Variants in TMEM132C observed in about 807,000 individuals in gnomAD.
The protein encoded by TMEM132C is transmembrane protein 132C.
TMEM132C carries 29 observed loss-of-function variants against 61.4 expected under a neutral mutation model. The ratio of observed to expected loss-of-function variants is 0.47; its 90% CI spans 0.35 to 0.64. TMEM132C has a LOEUF of 0.64. TMEM132C is among the 30% of genes least tolerant of loss of function. The pLI is 0.00. For synonymous variants in TMEM132C, 656 were observed against 633.1 expected (o/e 1.04, Z -0.54); for missense variants, 1,408 against 1,476.9 (o/e 0.95, Z 0.76).
At chr12:128,316,438 C>T (rs143440085) in intron 1 of TMEM132C, among the ~76,000 whole-genome samples, 30 of 152,274 alleles carry the variant, frequency 2.0e-4, no homozygotes, top group African/African-American at 7.0e-4. Context: ...GGAGACAGGA[C>T]GTTTCCATTC....
intron 2 of TMEM132C, among the ~76,000 whole-genome samples, chr12:128,490,647 G>T (rs1871684515): frequency 6.6e-6 from 1 of 152,206 alleles, no homozygotes; most frequent in Non-Finnish European, 1.5e-5. Flanking sequence ...ACTGATCAAT[G>T]CTCAATAACA....
chr12:128,456,292 T>G (rs983925602), intron 2 of TMEM132C, among the ~76,000 whole-genome samples: 7 of 151,388 alleles, frequency 4.6e-5, no homozygotes, highest in Non-Finnish European at 8.8e-5. Context: ...TCTTGTTTCA[T>G]ATTTTTCCTT....
At chr12:128,594,316 G>T (rs1378531624) in intron 3 of TMEM132C, among the ~76,000 whole-genome samples, 1 of 152,078 alleles carries the variant, frequency 6.6e-6, no homozygotes, top group East Asian at 1.9e-4. Flanking sequence ...GCTATGGGCT[G>T]CATATTCACC....
At chr12:128,517,628 A>G (rs1199896644) in intron 2 of TMEM132C, among the ~76,000 whole-genome samples, 2 of 152,228 alleles carry the variant, frequency 1.3e-5, no homozygotes, top group African/African-American at 4.8e-5. Context: ...TGGTAGGTCT[A>G]TGGGTGTTCA....
At chr12:128,612,520 T>G (rs1876670234) in intron 3 of TMEM132C, among the ~76,000 whole-genome samples, 1 of 152,194 alleles carries the variant, frequency 6.6e-6, no homozygotes, top group African/African-American at 2.4e-5. Context: ...CTTCTATCTG[T>G]GGTTGAAGAG....
chr12:128,521,479 G>A (rs901356145), intron 2 of TMEM132C, among the ~76,000 whole-genome samples: 38 of 61,364 alleles, frequency 6.2e-4, no homozygotes, highest in African/African-American at 1.8e-3. Context: ...AACAGGCCCC[G>A]GTGGGAACAC....
intron 2 of TMEM132C, among the ~76,000 whole-genome samples, chr12:128,489,226 G>A (rs1262809038): frequency 1.3e-5 from 2 of 152,028 alleles, no homozygotes; most frequent in African/African-American, 2.4e-5. Context: ...AGGGTGGAAG[G>A]GCAGGTATTC....
At chr12:128,581,748 G>C (rs1381855395) in intron 3 of TMEM132C, among the ~76,000 whole-genome samples, 1 of 152,214 alleles carries the variant, frequency 6.6e-6, no homozygotes, top group African/African-American at 2.4e-5. Flanking sequence ...GCAGTGCCAA[G>C]TCATAAAGGA....
At chr12:128,308,609 G>T (rs1479406477) in intron 1 of TMEM132C, among the ~76,000 whole-genome samples, 1 of 152,140 alleles carries the variant, frequency 6.6e-6, no homozygotes, top group Non-Finnish European at 1.5e-5. Context: ...CTCTGTTCAG[G>T]AGCAATTCCT....
intron 1 of TMEM132C, among the ~76,000 whole-genome samples, chr12:128,339,671 C>A (rs1291927205): frequency 1.1e-4 from 16 of 144,168 alleles, no homozygotes; most frequent in African/African-American, 4.0e-4. Flanking sequence ...TCCCAAACAC[C>A]AGTACTAAAA....
intron 4 of TMEM132C, among the ~76,000 whole-genome samples, chr12:128,622,245 G>A (rs1310722112): frequency 3.6e-4 from 54 of 149,652 alleles, no homozygotes; most frequent in Non-Finnish European, 3.6e-4. Flanking sequence ...TCGGGAGGCT[G>A]AGGCAGGAGA....
chr12:128,675,167 A>G (rs1954571309), intron 5 of TMEM132C, among the ~76,000 whole-genome samples: 1 of 151,980 alleles, frequency 6.6e-6, no homozygotes, highest in Non-Finnish European at 1.5e-5. Flanking sequence ...TTAACCAACT[A>G]CCACATTTAA....
chr12:128,639,420 A>AATG (rs368952869), intron 4 of TMEM132C, among the ~76,000 whole-genome samples: 18,329 of 151,990 alleles, frequency 0.12, 1,447 homozygotes, highest in African/African-American at 0.23. Flanking sequence ...TGATGATAAT[A>AATG]ATGATGGCAA....
intron 2 of TMEM132C, among the ~76,000 whole-genome samples, chr12:128,416,948 A>G (rs1005892865): frequency 6.6e-6 from 1 of 152,164 alleles, no homozygotes. Flanking sequence ...TGCATTGTGA[A>G]CCTTGGTGGT....
chr12:128,636,193 G>A (rs1346845566), intron 4 of TMEM132C, among the ~76,000 whole-genome samples: 5 of 151,682 alleles, frequency 3.3e-5, no homozygotes, highest in African/African-American at 4.8e-5. Flanking sequence ...TGGAACCACA[G>A]GCATGCATCA....
chr12:128,558,895 G>A (rs1199741059), intron 3 of TMEM132C, among the ~76,000 whole-genome samples: 1 of 152,198 alleles, frequency 6.6e-6, no homozygotes, highest in Non-Finnish European at 1.5e-5. Flanking sequence ...ATTCCCCCTT[G>A]TTCCTACTTT....
chr12:128,592,059 GA>G (rs55727528), intron 3 of TMEM132C, among the ~76,000 whole-genome samples: 4,762 of 125,374 alleles, frequency 0.038, 260 homozygotes, highest in African/African-American at 0.13. Context: ...AAAAAAAAAA[GA>G]AAAAAAAAAA....
intron 4 of TMEM132C, among the ~76,000 whole-genome samples, chr12:128,628,668 C>T (rs1473589735): frequency 3.9e-5 from 6 of 152,176 alleles, no homozygotes; most frequent in Admixed American, 6.5e-5. Flanking sequence ...ACAGTAGGCA[C>T]GTAACAAGGA....
intron 3 of TMEM132C, among the ~76,000 whole-genome samples, chr12:128,562,918 C>A (rs1423024723): frequency 6.6e-6 from 1 of 152,196 alleles, no homozygotes; most frequent in Non-Finnish European, 1.5e-5. Context: ...GGCTCCATCA[C>A]CCCAAAATGT....
Sources: allele counts gnomAD v4.1 joint callset (sites outside exome capture counted in the v4.1 genomes callset), GRCh38; gene constraint gnomAD v4.1.1; transcripts MANE v1.5; gene names NCBI Gene and HGNC (gene_info 2026-07-23, HGNC 2026-07-21).